ROR2: variants seen among roughly 807,000 people sequenced by gnomAD.
ROR2 encodes the protein ROR family WNT receptor 2.
ROR2 carries 33 observed loss-of-function variants against 74.9 expected under a neutral mutation model. The ratio of observed to expected loss-of-function variants is 0.44; its 90% CI spans 0.33 to 0.59. The LOEUF is 0.59. ROR2 is among the 20% of genes least tolerant of loss of function. ROR2 has a pLI of 0.02. For synonymous variants in ROR2, 586 were observed against 558.7 expected, an observed-to-expected ratio of 1.05 and a Z score of -0.69; for missense variants, 1,216 against 1,313.8, an observed-to-expected ratio of 0.93 and a Z score of 1.15.
chr9:91,875,510 T>C (rs569166202), intron 1 of ROR2, among the ~76,000 whole-genome samples: 6 of 152,372 alleles, frequency 3.9e-5, no homozygotes, highest in East Asian at 1.9e-4. Context: ...GGATTGACCA[T>C]GCTTTCTTTA....
At chr9:91,871,203 T>C (rs899038895) in intron 1 of ROR2, among the ~76,000 whole-genome samples, 1 of 152,244 alleles carries the variant, frequency 6.6e-6, no homozygotes, top group African/African-American at 2.4e-5. Flanking sequence ...GAGTCTCACT[T>C]TCTCTGTTTC....
At chr9:91,784,042 C>T (rs1379395038) in intron 1 of ROR2, among the ~76,000 whole-genome samples, 1 of 152,186 alleles carries the variant, frequency 6.6e-6, no homozygotes, top group Non-Finnish European at 1.5e-5. Context: ...TGAAAGCCAA[C>T]TCAGAAATCC....
intron 1 of ROR2, among the ~76,000 whole-genome samples, chr9:91,934,016 T>A (rs947424152): frequency 7.2e-5 from 11 of 152,240 alleles, no homozygotes; most frequent in African/African-American, 1.9e-4. Context: ...CCAGAATTTT[T>A]AAAAATAAAT....
chr9:91,910,968 A>G (rs1830964719), intron 1 of ROR2, among the ~76,000 whole-genome samples: 2 of 152,204 alleles, frequency 1.3e-5, no homozygotes, highest in African/African-American at 4.8e-5. Flanking sequence ...CCAGCCAACT[A>G]TGTAATACTT....
rs535043622 is a variant in ROR2 at position 91,886,500 on chromosome 9, G to A, written c.97+63367C>T. 2.8e-3 allele frequency among the ~76,000 whole-genome samples: 331 copies of A among 117,994 alleles called. 1 individual carries two copies. Among genetic ancestry groups the A allele is most frequent in the African/African-American group, 0.018 (321 of 18,036 alleles). The allele number at this position is 117,994 out of a possible 152,430, so 77.4% of individuals were successfully genotyped here. A position where few individuals can be genotyped will look rare whatever the true frequency, so the allele number is the denominator to read the frequency against. The stretch of plus-strand genomic sequence containing the variant: ...CTTACACCACCGACTGTGCACCCAC[G>A]CACGGCGCGGCAGCCCCTCCGCCCG... On this transcript the variant is annotated intron_variant, in intron 1 of 8. Coordinates refer to ENST00000375708, the MANE Select transcript of ROR2 (RefSeq NM_004560.4).
chr9:91,771,003 T>C (rs1826208857), intron 2 of ROR2, among the ~76,000 whole-genome samples: 1 of 152,192 alleles, frequency 6.6e-6, no homozygotes, highest in Non-Finnish European at 1.5e-5. Flanking sequence ...TGCTTTGTTT[T>C]CTCTTTCCAA....
At chr9:91,948,606 C>T (rs1832074400) in intron 1 of ROR2, 6 of 985,388 alleles carry the variant, frequency 6.1e-6, no homozygotes, top group Non-Finnish European at 7.2e-6. Context: ...GACTCGCGTA[C>T]CTTGGGCCGG....
At chr9:91,930,380 C>G (rs1329082817) in intron 1 of ROR2, among the ~76,000 whole-genome samples, 1 of 152,216 alleles carries the variant, frequency 6.6e-6, no homozygotes, top group Non-Finnish European at 1.5e-5. Context: ...AAGTTTAAGT[C>G]TCAGCCAGTC....
At chr9:91,858,204 C>T (rs1026697103) in intron 1 of ROR2, among the ~76,000 whole-genome samples, 6 of 151,986 alleles carry the variant, frequency 3.9e-5, no homozygotes, top group African/African-American at 1.5e-4. Flanking sequence ...TGCCCCACAC[C>T]GAGGGCTAAC....
chr9:91,775,443 T>A (rs976214311), intron 2 of ROR2, among the ~76,000 whole-genome samples: 2 of 151,958 alleles, frequency 1.3e-5, no homozygotes, highest in African/African-American at 2.4e-5. Flanking sequence ...TGGAGTCACA[T>A]GCAACAGGAA....
intron 1 of ROR2, among the ~76,000 whole-genome samples, chr9:91,908,318 CAG>C (rs1382586254): frequency 2.0e-5 from 3 of 152,212 alleles, no homozygotes; most frequent in Admixed American, 6.5e-5. Context: ...TAGCAACTGA[CAG>C]AAAACATCAA....
chr9:91,886,280 C>A (rs938028926), intron 1 of ROR2, among the ~76,000 whole-genome samples: 1 of 152,046 alleles, frequency 6.6e-6, no homozygotes, highest in African/African-American at 2.4e-5. Flanking sequence ...TGTGAACAGC[C>A]CAGATTGTTG....
intron 1 of ROR2, among the ~76,000 whole-genome samples, chr9:91,922,247 C>G: frequency 7.0e-6 from 1 of 142,258 alleles, no homozygotes; most frequent in East Asian, 2.0e-4. Context: ...GGCAGTTCCC[C>G]AAAAAAAAAA....
At chr9:91,889,315 T>C (rs1226446613) in intron 1 of ROR2, among the ~76,000 whole-genome samples, 2 of 152,164 alleles carry the variant, frequency 1.3e-5, no homozygotes, top group Non-Finnish European at 2.9e-5. Flanking sequence ...CACACAACGC[T>C]GGGCCACTGG....
chr9:91,904,927 C>G (rs969633989), intron 1 of ROR2, among the ~76,000 whole-genome samples: 4 of 152,154 alleles, frequency 2.6e-5, no homozygotes, highest in Non-Finnish European at 5.9e-5. Flanking sequence ...ACACACCACA[C>G]ACACAGCACA....
chr9:91,766,752 T>A (rs1197798538), intron 2 of ROR2, among the ~76,000 whole-genome samples: 1 of 152,192 alleles, frequency 6.6e-6, no homozygotes, highest in African/African-American at 2.4e-5. Flanking sequence ...CCAGAAACAA[T>A]TTGCCAGGCC....
chr9:91,762,773 T>C (rs1253468618), intron 2 of ROR2, among the ~76,000 whole-genome samples: 3 of 152,266 alleles, frequency 2.0e-5, no homozygotes, highest in Non-Finnish European at 4.4e-5. Context: ...CCATTTATTT[T>C]AATTACTGTG....
At chr9:91,751,925 G>A (rs955942093) in intron 4 of ROR2, among the ~76,000 whole-genome samples, 2 of 152,224 alleles carry the variant, frequency 1.3e-5, no homozygotes, top group South Asian at 2.1e-4. Flanking sequence ...TAAATGCGTG[G>A]TGGAAGCAGG....
chr9:91,785,277 G>A (rs772264085), intron 1 of ROR2, among the ~76,000 whole-genome samples: 62 of 152,210 alleles, frequency 4.1e-4, no homozygotes, highest in Admixed American at 7.9e-4. Flanking sequence ...CTGTGCATAT[G>A]GTTCACCCCT....
Sources: gnomAD v4.1 joint callset for allele counts (sites outside exome capture counted in the v4.1 genomes callset) on GRCh38, gnomAD v4.1.1 for gene constraint, MANE v1.5 for transcripts, NCBI Gene and HGNC (gene_info 2026-07-23, HGNC 2026-07-21) for gene names.